Variants in ROBO1 observed in about 807,000 individuals in gnomAD.
ROBO1 encodes roundabout guidance receptor 1, also known as roundabout homolog 1.
ROBO1 carries 149 observed loss-of-function variants against 195.9 expected under a neutral mutation model. The observed-to-expected ratio is 0.76, with a 90% CI of 0.67 to 0.87. ROBO1 has a LOEUF of 0.87. Among genes scored for constraint, ROBO1 ranks in the 40% least tolerant of loss-of-function variants. The pLI is 0.00. For missense variants in ROBO1, 1,933 were observed against 2,068.3 expected (o/e 0.93, Z 1.27); for synonymous variants, 816 against 733.2 (o/e 1.11, Z -1.82).
intron 1 of ROBO1, among the ~76,000 whole-genome samples, chr3:79,686,907 C>T (rs1947133076): frequency 6.6e-6 from 1 of 152,130 alleles, no homozygotes; most frequent in East Asian, 1.9e-4. Flanking sequence ...CCCACATTGC[C>T]AAGTCAATCC....
intron 2 of ROBO1, among the ~76,000 whole-genome samples, chr3:79,577,425 A>G (rs1943522147): frequency 1.3e-5 from 2 of 152,198 alleles, no homozygotes; most frequent in South Asian, 4.1e-4. Flanking sequence ...CAAAAGCATG[A>G]TCCATGAAAT....
intron 2 of ROBO1, among the ~76,000 whole-genome samples, chr3:79,280,672 A>G (rs2052898460): frequency 6.6e-6 from 1 of 152,166 alleles, no homozygotes; most frequent in African/African-American, 2.4e-5. Context: ...GTTTTGTAGA[A>G]GCCAATTTTT....
At chr3:79,059,959 A>G (rs1438232554) in intron 3 of ROBO1, among the ~76,000 whole-genome samples, 1 of 151,804 alleles carries the variant, frequency 6.6e-6, no homozygotes, top group Non-Finnish European at 1.5e-5. Context: ...GAACAGAGTC[A>G]TATTTCTCTT....
chr3:79,314,019 T>C (rs1232912727), intron 2 of ROBO1, among the ~76,000 whole-genome samples: 1 of 152,170 alleles, frequency 6.6e-6, no homozygotes, highest in African/African-American at 2.4e-5. Context: ...TTTTTTGATC[T>C]AAAATTAGGA....
intron 29 of ROBO1, among the ~76,000 whole-genome samples, 163 bp downstream of exon 29, chr3:78,606,555 GTATAAAGGCATATAC>G (rs1213074932): frequency 2.0e-5 from 3 of 152,250 alleles, no homozygotes; most frequent in African/African-American, 4.8e-5. Flanking sequence ...GTGATGTTGA[GTATAAAGGCATATAC>G]TGGAGTGAAC....
intron 1 of ROBO1, among the ~76,000 whole-genome samples, chr3:79,641,714 A>G (rs2106671619): frequency 6.6e-6 from 1 of 152,274 alleles, no homozygotes; most frequent in East Asian, 1.9e-4. Context: ...AATATATCAG[A>G]AAAATACAAA....
chr3:79,407,174 C>T (rs2037581379), intron 2 of ROBO1, among the ~76,000 whole-genome samples: 1 of 152,114 alleles, frequency 6.6e-6, no homozygotes, highest in Non-Finnish European at 1.5e-5. Context: ...GTAATCCACC[C>T]ACCTTGGCCT....
chr3:79,384,108 G>A (rs1439209961), intron 2 of ROBO1, among the ~76,000 whole-genome samples: 1 of 151,824 alleles, frequency 6.6e-6, no homozygotes, highest in Non-Finnish European at 1.5e-5. Context: ...ATAATCTGAT[G>A]CCAAGAAGAA....
At chr3:79,444,542 T>A (rs1181554156) in intron 2 of ROBO1, among the ~76,000 whole-genome samples, 1 of 152,102 alleles carries the variant, frequency 6.6e-6, no homozygotes, top group Non-Finnish European at 1.5e-5. Context: ...TTAGAAAACA[T>A]TTTTTCATTG....
chr3:79,028,737 G>A (rs6766522), intron 3 of ROBO1, among the ~76,000 whole-genome samples: 21,046 of 151,798 alleles, frequency 0.14, 1,557 homozygotes, highest in East Asian at 0.16. Context: ...ATGAAAAACC[G>A]TGAGACAAAT....
At chr3:78,926,129 A>G (rs781227730) in intron 4 of ROBO1, among the ~76,000 whole-genome samples, 1 of 152,154 alleles carries the variant, frequency 6.6e-6, no homozygotes, top group Non-Finnish European at 1.5e-5. Context: ...TCAGCCTCCC[A>G]AAGTGCTGGG....
chr3:78,728,834 T>C (rs1173175160), intron 5 of ROBO1, among the ~76,000 whole-genome samples: 8 of 152,230 alleles, frequency 5.3e-5, no homozygotes, highest in Non-Finnish European at 7.3e-5. Flanking sequence ...GATCTCTCCA[T>C]TGGCGTCCCA....
chr3:78,947,367 A>T (rs2040504507), intron 3 of ROBO1, among the ~76,000 whole-genome samples: 1 of 152,152 alleles, frequency 6.6e-6, no homozygotes, highest in Admixed American at 6.6e-5. Context: ...GGATTAAGAA[A>T]CTCACTCAAA....
At chr3:78,827,904 C>T (rs537598607) in intron 4 of ROBO1, among the ~76,000 whole-genome samples, 1 of 152,270 alleles carries the variant, frequency 6.6e-6, no homozygotes, top group South Asian at 2.1e-4. Flanking sequence ...AAAATACTTT[C>T]ATTGTAACAT....
chr3:79,116,630 G>C (rs2080007658), intron 3 of ROBO1, among the ~76,000 whole-genome samples: 1 of 149,524 alleles, frequency 6.7e-6, no homozygotes, highest in Non-Finnish European at 1.5e-5. Flanking sequence ...CGATTCCCCT[G>C]CTTCAGCCTC....
chr3:79,767,344 C>T (rs1362162273), intron 1 of ROBO1, among the ~76,000 whole-genome samples: 2 of 152,144 alleles, frequency 1.3e-5, no homozygotes, highest in Admixed American at 1.3e-4. Context: ...GAGCAAATTC[C>T]GCTGTGTGCC....
At chr3:79,685,178 T>C (rs1384226806) in intron 1 of ROBO1, among the ~76,000 whole-genome samples, 1 of 152,186 alleles carries the variant, frequency 6.6e-6, no homozygotes, top group Admixed American at 6.5e-5. Context: ...CAGCTAAAGA[T>C]TGGCAGAAAT....
At chr3:78,670,928 T>C (rs912995328) in intron 10 of ROBO1, among the ~76,000 whole-genome samples, 4 of 152,154 alleles carry the variant, frequency 2.6e-5, no homozygotes, top group Non-Finnish European at 5.9e-5. Context: ...TTCAAAGAAA[T>C]TGGAAAATTG....
intron 2 of ROBO1, among the ~76,000 whole-genome samples, chr3:79,475,000 T>A (rs931815446): frequency 2.6e-5 from 4 of 152,026 alleles, no homozygotes; most frequent in African/African-American, 9.7e-5. Flanking sequence ...TGAAATTGTC[T>A]TAGAAGGATA....
Sources: gnomAD v4.1 joint callset for allele counts (sites outside exome capture counted in the v4.1 genomes callset) on GRCh38, gnomAD v4.1.1 for gene constraint, MANE v1.5 for transcripts, NCBI Gene and HGNC (gene_info 2026-07-23, HGNC 2026-07-21) for gene names.